CIBAR2: variants seen among roughly 807,000 people sequenced by gnomAD.
CIBAR2 encodes the protein CBY1-interacting BAR domain-containing protein 2.
A neutral mutation model predicts 36.2 loss-of-function variants in CIBAR2; 38 were observed. The observed-to-expected ratio is 1.05, with a 90% CI of 0.81 to 1.38. The LOEUF is 1.38. CIBAR2 is among the 40% of genes most tolerant of loss of function. The probability of loss-of-function intolerance (pLI) is 0.00; values close to 1 mark genes in which losing one functional copy is unlikely to be tolerated. For missense variants in CIBAR2, 481 were observed against 383.4 expected (o/e 1.25, Z -2.13); for synonymous variants, 182 against 149.5 (o/e 1.22, Z -1.58).
intron 6 of CIBAR2, 151 bp downstream of exon 6, chr16:85,105,176 A>G: frequency 1.9e-6 from 1 of 529,442 alleles, no homozygotes; most frequent in Admixed American, 3.0e-5. Flanking sequence ...CTGTGTGGGC[A>G]TAAGCTCACT....
At chr16:85,107,588 A>T in intron 5 of CIBAR2, 79 bp downstream of exon 5, 1 of 1,501,866 alleles carries the variant, frequency 6.7e-7, no homozygotes, top group Non-Finnish European at 9.3e-7. Context: ...GACCAGGTAA[A>T]GTCTACCTGG....
chr16:85,111,056 C>T (rs1350160364), intron 1 of CIBAR2, among the ~76,000 whole-genome samples: 2 of 152,048 alleles, frequency 1.3e-5, no homozygotes, highest in African/African-American at 4.8e-5. Context: ...AGCAGGTGCG[C>T]GATGACTGAT....
At position 85,103,448 on chromosome 16, in the gene CIBAR2, T is replaced by C. The variant is rs147727298; in HGVS notation, c.538-1121A>G. On this transcript the variant is annotated intron_variant, in intron 6 of 8. Transcript: ENST00000539556. The stretch of plus-strand genomic sequence containing the variant: ...GTTCTTGCTTTTATCTCTTTTGAAA[T>C]GTGAAGGGCTTTCAAGGCATGGTTT... 3.1e-3 allele frequency among the ~76,000 whole-genome samples: 474 copies of C among 152,328 alleles called. 1 individual carries two copies. Among genetic ancestry groups the C allele is most frequent in the Non-Finnish European group, 4.6e-3 (313 of 68,026 alleles).
Position 85,112,326 on chromosome 16 carries a change from C to T in CIBAR2, c.20+7G>A, listed in dbSNP as rs2074049527. On this transcript the variant is annotated splice_region_variant and intron_variant, in intron 1 of 8. Coordinates refer to ENST00000539556, the MANE Select transcript of CIBAR2 (RefSeq NM_198491.3). ...CCTCACAGCCAGGCTGGCGCTGGCC[C>T]ACTCACCTGGAGAAGACGATGTTCA... is the stretch of plus-strand genomic sequence containing the variant. 6.2e-7 allele frequency: 1 copy of T among 1,614,006 alleles called. No homozygotes were observed. Among genetic ancestry groups the T allele is most frequent in the Admixed American group, 1.7e-5 (1 of 60,038 alleles).
chr16:85,099,195 T>A lies in CIBAR2; in HGVS notation c.905A>T (p.His302Leu). 6.3e-7 allele frequency: 1 copy of A among 1,579,732 alleles called. No individual in the cohort carries two copies. Among genetic ancestry groups the A allele is most frequent in the South Asian group, 1.2e-5 (1 of 86,148 alleles). Residue 302 changes from histidine to leucine, a missense_variant, in exon 9 of 9, where the codon CAT becomes CTT. Transcript: ENST00000539556. Reference protein sequence around the residue: ...GQGGHLMLPGHSL With the variant: ...GQGGHLMLPGLSL ...ACTTACCCTACGTCGTTAGAGAGAA[T>A]GTCCTGGAAGCATGAGATGCCCACC...
intron 2 of CIBAR2, among the ~76,000 whole-genome samples, chr16:85,109,350 C>T (rs1209741780): frequency 6.6e-6 from 1 of 152,068 alleles, no homozygotes; most frequent in East Asian, 1.9e-4. Flanking sequence ...GTTGTCAAGG[C>T]CTCTTACTGG....
At chr16:85,110,733 C>CCAG (rs2074036223) in intron 1 of CIBAR2, among the ~76,000 whole-genome samples, 2 of 123,710 alleles carry the variant, frequency 1.6e-5, no homozygotes, top group South Asian at 5.5e-4. Flanking sequence ...GAGACAGAGT[C>CCAG]TTGCTCTGTC....
In CIBAR2 at chr16:85,100,127, C is replaced by A; in HGVS notation, c.753+12G>T. 1 of 1,604,192 alleles carries A rather than the reference C, an allele frequency of 6.2e-7. No individual in the cohort carries two copies. Among genetic ancestry groups the A allele is most frequent in the Non-Finnish European group, 8.5e-7 (1 of 1,174,352 alleles). ...ATTTTAGGTGTAACCCCTCACCCAC[C>A]CACACGCTCACCTGGCTGGCGAGAG... is the stretch of plus-strand genomic sequence containing the variant. On this transcript the variant is annotated intron_variant, in intron 8 of 8. Transcript: ENST00000539556.
chr16:85,105,266 G>C, intron 6 of CIBAR2, 61 bp downstream of exon 6: 1 of 961,456 alleles, frequency 1.0e-6, no homozygotes, highest in Non-Finnish European at 1.7e-6. Flanking sequence ...GTGTACACAC[G>C]TGCATGCACA....
intron 7 of CIBAR2, among the ~76,000 whole-genome samples, chr16:85,101,485 CATG>C (rs1047532804): frequency 6.6e-6 from 1 of 152,110 alleles, no homozygotes; most frequent in Non-Finnish European, 1.5e-5. Context: ...AGAAAAGAAT[CATG>C]ATAACTGATT....
chr16:85,107,614 G>A (rs1280611369), intron 5 of CIBAR2, 53 bp downstream of exon 5: 31 of 1,595,406 alleles, frequency 1.9e-5, no homozygotes, highest in Non-Finnish European at 2.6e-5. Flanking sequence ...TTGTGAGGTC[G>A]TGTATTTCCT....
intron 2 of CIBAR2, among the ~76,000 whole-genome samples, chr16:85,109,138 T>C (rs1318544165): frequency 6.6e-6 from 1 of 151,196 alleles, no homozygotes; most frequent in Non-Finnish European, 1.5e-5. Flanking sequence ...AGGCCAGGCA[T>C]GGTGGCTCAT....
At chr16:85,107,589 G>C (rs2074006123) in intron 5 of CIBAR2, 78 bp downstream of exon 5, 7 of 1,496,136 alleles carry the variant, frequency 4.7e-6, no homozygotes, top group Non-Finnish European at 6.5e-6. Context: ...ACCAGGTAAA[G>C]TCTACCTGGC....
chr16:85,100,248 G>A lies in CIBAR2; in HGVS notation c.652-8C>T. The A allele has an allele frequency of 1.3e-6, 2 of 1,596,206 alleles. No homozygotes were observed. The highest frequency in any genetic ancestry group is 1.1e-5 in the South Asian group (1 of 87,960). ...CATCTTGGCTCTAAAATCCTGCCGGGGAGAGACCAGGGTGGGTGGGATCCG... is the reference window on the plus strand; with the variant it reads ...CATCTTGGCTCTAAAATCCTGCCGGAGAGAGACCAGGGTGGGTGGGATCCG... On this transcript the variant is annotated splice_polypyrimidine_tract_variant and splice_region_variant and intron_variant, in intron 7 of 8. Transcript: ENST00000539556.
chr16:85,105,245 C>T (rs1352358386), intron 6 of CIBAR2, 82 bp downstream of exon 6: 3 of 816,256 alleles, frequency 3.7e-6, no homozygotes, highest in Non-Finnish European at 6.2e-6. Flanking sequence ...CTGAAGCATG[C>T]ACACAGACAC....
intron 3 of CIBAR2, 40 bp from the exon 4 acceptor site, chr16:85,107,987 G>A (rs921975898): frequency 1.2e-5 from 19 of 1,613,288 alleles, no homozygotes; most frequent in Non-Finnish European, 1.6e-5. Flanking sequence ...GGATCCCACA[G>A]GGCAAGACAG....
At position 85,099,224 on chromosome 16, in the gene CIBAR2, C is replaced by T. The variant is rs371708902; in HGVS notation, c.876G>A (p.Gly292=). 1.6e-4 allele frequency: 252 copies of T among 1,607,624 alleles called. 2 individuals are homozygous for T. In the Middle Eastern group the frequency reaches 6.8e-3, roughly 43 times the overall value. Residue 292 remains glycine, a synonymous_variant, in exon 9 of 9, where the codon GGG becomes GGA. Transcript: ENST00000539556. ...VKGQPAHCVC[G]QGGHLMLPGH... ...CTGGAAGCATGAGATGCCCACCCTG[C>T]CCACACACACAGTGGGCTGGCTGCC...
At chr16:85,104,003 G>A (rs894384612) in intron 6 of CIBAR2, among the ~76,000 whole-genome samples, 1 of 152,246 alleles carries the variant, frequency 6.6e-6, no homozygotes, top group Non-Finnish European at 1.5e-5. Context: ...CCAGCATCAG[G>A]CACAGCACCT....
chr16:85,106,545 G>A (rs1165843007), intron 5 of CIBAR2, among the ~76,000 whole-genome samples: 1 of 152,096 alleles, frequency 6.6e-6, no homozygotes, highest in Non-Finnish European at 1.5e-5. Flanking sequence ...GACTACAGAG[G>A]GAAGGTGCAG....
Sources: allele counts gnomAD v4.1 joint callset (sites outside exome capture counted in the v4.1 genomes callset), GRCh38; gene constraint gnomAD v4.1.1; transcripts MANE v1.5; gene names NCBI Gene and HGNC (gene_info 2026-07-23, HGNC 2026-07-21).